B3GALNT2: variants seen among roughly 807,000 people sequenced by gnomAD.
The protein encoded by B3GALNT2 is beta-1,3-N-acetylgalactosaminyltransferase 2.
B3GALNT2 carries 53 observed loss-of-function variants against 61.1 expected under a neutral mutation model. That is an observed-to-expected ratio of 0.87 (90% CI 0.70 to 1.09). The LOEUF (loss-of-function observed/expected upper bound fraction) is 1.09, where lower values mean the gene tolerates loss of function less well. Among genes scored for constraint, B3GALNT2 ranks in the 50% least tolerant of loss-of-function variants. The probability of loss-of-function intolerance (pLI) is 0.00; values close to 1 mark genes in which losing one functional copy is unlikely to be tolerated. For synonymous variants in B3GALNT2, 223 were observed against 237.4 expected (o/e 0.94, Z 0.56); for missense variants, 544 against 623.0 (o/e 0.87, Z 1.35).
intron 1 of B3GALNT2, among the ~76,000 whole-genome samples, chr1:235,503,241 T>C (rs1685665842): frequency 6.6e-6 from 1 of 152,272 alleles, no homozygotes; most frequent in Non-Finnish European, 1.5e-5. Flanking sequence ...CAAAATTAAG[T>C]ATTACATAAT....
chr1:235,443,024 C>G (rs548228406), downstream of B3GALNT2: 69 of 1,042,730 alleles, frequency 6.6e-5, 1 homozygote, highest in African/African-American at 9.7e-4. Flanking sequence ...TCAGAACTTA[C>G]AGGTTTTCAT....
At chr1:235,501,303 C>T (rs1685571057) in intron 1 of B3GALNT2, among the ~76,000 whole-genome samples, 1 of 152,176 alleles carries the variant, frequency 6.6e-6, no homozygotes, top group Non-Finnish European at 1.5e-5. Flanking sequence ...CTTTCCCTGA[C>T]TGGTTTAAGG....
At chr1:235,498,559 C>A (rs959077590) in intron 1 of B3GALNT2, among the ~76,000 whole-genome samples, 1 of 152,114 alleles carries the variant, frequency 6.6e-6, no homozygotes, top group African/African-American at 2.4e-5. Context: ...CTACTCTCCG[C>A]CGGGCACGGT....
intron 6 of B3GALNT2, among the ~76,000 whole-genome samples, chr1:235,467,033 AG>A (rs1326096838): frequency 6.6e-6 from 1 of 152,214 alleles, no homozygotes; most frequent in African/African-American, 2.4e-5. Context: ...AGGTCACTGT[AG>A]TAACTTGTCA....
chr1:235,478,973 G>A (rs1684429862), intron 5 of B3GALNT2: 1 of 151,628 alleles, frequency 6.6e-6, no homozygotes, highest in South Asian at 2.1e-4. Flanking sequence ...TTTTTTGACT[G>A]CTTTTGCGGA....
At chr1:235,457,315 G>A (rs1473518136) in intron 8 of B3GALNT2, among the ~76,000 whole-genome samples, 1 of 151,874 alleles carries the variant, frequency 6.6e-6, no homozygotes, top group Non-Finnish European at 1.5e-5. Context: ...AACAGAAGAA[G>A]GTTTTTAAAA....
chr1:235,442,859 G>A, downstream of B3GALNT2: 7 of 1,613,962 alleles, frequency 4.3e-6, no homozygotes, highest in Non-Finnish European at 5.9e-6. Flanking sequence ...AAGCACTGAA[G>A]ATAAAATACC....
At chr1:235,496,319 A>G in intron 1 of B3GALNT2, 1 of 1,046,860 alleles carries the variant, frequency 9.6e-7, no homozygotes, top group Non-Finnish European at 1.2e-6. Flanking sequence ...CTGAAAAAAA[A>G]AAAAAAGTTC....
At chr1:235,442,774 A>G, downstream of B3GALNT2, 8 of 1,402,284 alleles carry the variant, frequency 5.7e-6, no homozygotes, top group Middle Eastern at 1.7e-4. Flanking sequence ...TCATTTGGCC[A>G]TCTGTTGATG....
At chr1:235,451,332 G>C (rs1682883909) in intron 11 of B3GALNT2, 1 of 152,130 alleles carries the variant, frequency 6.6e-6, no homozygotes, top group South Asian at 2.1e-4. Context: ...AAGCCCAACA[G>C]TTCCAAGCCA....
chr1:235,452,509 C>G (rs1156723395), intron 11 of B3GALNT2: 1 of 151,468 alleles, frequency 6.6e-6, no homozygotes, highest in Non-Finnish European at 1.5e-5. Flanking sequence ...CATTCCAAAT[C>G]TGAAAATTTG....
At chr1:235,503,337 G>A (rs1685670998) in intron 1 of B3GALNT2, among the ~76,000 whole-genome samples, 1 of 152,270 alleles carries the variant, frequency 6.6e-6, no homozygotes, top group South Asian at 2.1e-4. Flanking sequence ...AGCTAAAGTA[G>A]TGTTCAGGGT....
At chr1:235,466,316 G>A (rs1483584748) in intron 6 of B3GALNT2, among the ~76,000 whole-genome samples, 2 of 149,468 alleles carry the variant, frequency 1.3e-5, no homozygotes, top group African/African-American at 4.9e-5. Context: ...TGATCCGCCT[G>A]CCTCAGCCTC....
chr1:235,493,775 C>CAA (rs750114299), intron 2 of B3GALNT2, among the ~76,000 whole-genome samples: 18 of 138,700 alleles, frequency 1.3e-4, no homozygotes, highest in African/African-American at 4.8e-4. Flanking sequence ...AACTCCATCT[C>CAA]AAAAAAAAAA....
At chr1:235,453,992 AT>A (rs930393590) in intron 10 of B3GALNT2, among the ~76,000 whole-genome samples, 163 bp downstream of exon 10, 1 of 151,862 alleles carries the variant, frequency 6.6e-6, no homozygotes, top group Non-Finnish European at 1.5e-5. Flanking sequence ...GAAATCCTTA[AT>A]TTTTTGTTTT....
chr1:235,456,502 A>G (rs1683177836), intron 8 of B3GALNT2, among the ~76,000 whole-genome samples: 1 of 152,240 alleles, frequency 6.6e-6, no homozygotes, highest in African/African-American at 2.4e-5. Flanking sequence ...TTTATTTCCA[A>G]TTAACAGCAG....
At chr1:235,477,802 C>T (rs1225834521) in intron 5 of B3GALNT2, among the ~76,000 whole-genome samples, 1 of 152,160 alleles carries the variant, frequency 6.6e-6, no homozygotes, top group African/African-American at 2.4e-5. Context: ...AATAGGACCC[C>T]CTCAATCCAG....
chr1:235,476,050 TA>T (rs1392072090), intron 5 of B3GALNT2, among the ~76,000 whole-genome samples: 1 of 152,178 alleles, frequency 6.6e-6, no homozygotes, highest in Admixed American at 6.6e-5. Context: ...AAATCAAGTC[TA>T]TTTAGCCTAA....
At chr1:235,489,365 A>G (rs1413653951) in intron 2 of B3GALNT2, 97 bp from the exon 3 acceptor site, 3 of 1,531,072 alleles carry the variant, frequency 2.0e-6, no homozygotes, top group Non-Finnish European at 2.6e-6. Flanking sequence ...TTGAGACACA[A>G]GTGTTTATGA....
Sources: gnomAD v4.1 joint callset for allele counts (sites outside exome capture counted in the v4.1 genomes callset) on GRCh38, gnomAD v4.1.1 for gene constraint, MANE v1.5 for transcripts, NCBI Gene and HGNC (gene_info 2026-07-23, HGNC 2026-07-21) for gene names.